EPG5: variants seen among roughly 807,000 people sequenced by gnomAD.
EPG5 encodes the protein ectopic P-granules 5 autophagy tethering factor, also known as ectopic P granules protein 5 homolog.
A neutral mutation model predicts 302.7 loss-of-function variants in EPG5; 159 were observed. The observed-to-expected ratio is 0.53, with a 90% CI of 0.46 to 0.60. EPG5 has a LOEUF of 0.60. Ranked by LOEUF, EPG5 falls within the 20% of genes least tolerant of loss-of-function variation. The pLI, the probability that EPG5 is intolerant of heterozygous loss-of-function variation, is 0.00. For missense variants in EPG5, 2,896 were observed against 3,092.4 expected, an observed-to-expected ratio of 0.94 and a Z score of 1.51; for synonymous variants, 1,158 against 1,136.8, an observed-to-expected ratio of 1.02 and a Z score of -0.37.
intron 13 of EPG5, among the ~76,000 whole-genome samples, chr18:45,928,500 T>C (rs1391653710): frequency 6.6e-6 from 1 of 152,244 alleles, no homozygotes; most frequent in African/African-American, 2.4e-5. Context: ...TGGCTGACTT[T>C]AAATAGGACC....
At chr18:45,910,444 T>C (rs2049864902) in intron 23 of EPG5, 77 bp downstream of exon 23, 1 of 1,105,804 alleles carries the variant, frequency 9.0e-7, no homozygotes. Context: ...ATCTAGCAGT[T>C]TGTAACACAG....
rs746317512 is a variant in EPG5 at position 45,852,431 on chromosome 18, A to C, written c.*36T>G. ...CAACAGCAAAGTTAAATGTAAACAT[A>C]AACAGCAATGGGTTTTTCAAGAGCC... On this transcript the variant is annotated 3_prime_UTR_variant, in exon 44 of 44. Coordinates refer to ENST00000282041, the MANE Select transcript of EPG5 (RefSeq NM_020964.3). 9 of 1,580,032 alleles carry C rather than the reference A, an allele frequency of 5.7e-6. No homozygotes were observed. The highest frequency in any genetic ancestry group is 7.7e-6 in the Non-Finnish European group (9 of 1,161,682).
chr18:45,866,716 G>A lies in EPG5; in HGVS notation c.6621+82C>T, dbSNP rs1456084359. 3.7e-6 allele frequency: 4 copies of A among 1,080,226 alleles called. No individual in the cohort carries two copies. The African/African-American group carries it at 6.2e-5, about 17-fold the overall frequency. 66.9% of individuals were successfully genotyped at this position (1,080,226 alleles called of 1,614,324 possible). A position where few individuals can be genotyped will look rare whatever the true frequency, so the allele number is the denominator to read the frequency against. On this transcript the variant is annotated intron_variant, in intron 38 of 43. Transcript: ENST00000282041. ...GACTTCCTCTGCTGAGCACTTCCTA[G>A]CTTCGACTGTCCTTTGTAGCACTTA...
intron 26 of EPG5, among the ~76,000 whole-genome samples, chr18:45,900,198 C>T (rs868311613): frequency 6.6e-6 from 1 of 151,982 alleles, no homozygotes; most frequent in Non-Finnish European, 1.5e-5. Flanking sequence ...GTCAGGAGAT[C>T]GAAACCATCC....
chr18:45,804,752 A>G, the EPG5 span, among the ~76,000 whole-genome samples: 1 of 152,244 alleles, frequency 6.6e-6, no homozygotes, highest in Non-Finnish European at 1.5e-5. Context: ...CTGAAGATAA[A>G]TGATATCAAA....
intron 23 of EPG5, among the ~76,000 whole-genome samples, chr18:45,909,240 C>T (rs1440994483): frequency 6.6e-6 from 1 of 152,108 alleles, no homozygotes; most frequent in East Asian, 1.9e-4. Context: ...GCTTCTGGCT[C>T]AGTGAAATAG....
At position 45,889,808 on chromosome 18, in the gene EPG5, T is replaced by C; in HGVS notation, c.4942A>G (p.Asn1648Asp). ...GCCTGCAAAACTTACGTGATCAAGT[T>C]TTCTGCATGTACAGCAGCTTCCACA... is the stretch of plus-strand genomic sequence containing the variant. ...NIVEAAVHAENLITALVNAYK... is the reference protein window; with the variant it reads ...NIVEAAVHAEDLITALVNAYK... The change falls in exon 28 of 44, where the codon AAC (asparagine) becomes GAC (aspartate). Residue 1648 changes from asparagine to aspartate, a missense_variant. Coordinates refer to ENST00000282041, the MANE Select transcript of EPG5 (RefSeq NM_020964.3). 3 of 1,599,996 alleles carry C rather than the reference T, an allele frequency of 1.9e-6. No individual in the cohort carries two copies. The highest frequency in any genetic ancestry group is 2.6e-6 in the Non-Finnish European group (3 of 1,174,044).
intron 14 of EPG5, 45 bp downstream of exon 14, chr18:45,925,693 T>C: frequency 7.3e-7 from 1 of 1,372,154 alleles, no homozygotes; most frequent in Non-Finnish European, 9.6e-7. Context: ...TTGAAACAGA[T>C]GCATGTACAA....
chr18:45,828,124 A>G, the EPG5 span, among the ~76,000 whole-genome samples: 1 of 152,316 alleles, frequency 6.6e-6, no homozygotes, highest in Admixed American at 6.5e-5. Flanking sequence ...CGGCCTGGGC[A>G]GGAGGCCCGA....
chr18:45,888,339 T>C (rs1212428848), intron 28 of EPG5, among the ~76,000 whole-genome samples: 1 of 152,090 alleles, frequency 6.6e-6, no homozygotes, highest in Non-Finnish European at 1.5e-5. Flanking sequence ...AGTCTCACTC[T>C]GTCACCCAGG....
At chr18:45,852,769 T>A (rs2048441462) in intron 43 of EPG5, 120 bp from the exon 44 acceptor site, 2 of 893,202 alleles carry the variant, frequency 2.2e-6, no homozygotes, top group Non-Finnish European at 3.5e-6. Flanking sequence ...GAAGGAGGCC[T>A]ACAGAACTGA....
At chr18:45,918,400 A>G (rs2145728844) in intron 16 of EPG5, among the ~76,000 whole-genome samples, 1 of 152,354 alleles carries the variant, frequency 6.6e-6, no homozygotes, top group African/African-American at 2.4e-5. Flanking sequence ...CAATGTCAGA[A>G]CTCAAAGTTT....
intron 39 of EPG5, among the ~76,000 whole-genome samples, chr18:45,862,603 CT>C (rs1418636720): frequency 6.8e-3 from 1 of 148 alleles, no homozygotes; most frequent in Non-Finnish European, 0.015. Flanking sequence ...TGTGCAACAT[CT>C]CCCCCCTTGC....
chr18:45,869,079 T>C (rs1313736535), intron 36 of EPG5, among the ~76,000 whole-genome samples: 1 of 150,282 alleles, frequency 6.7e-6, no homozygotes, highest in Non-Finnish European at 1.5e-5. Context: ...AATTAGAGAA[T>C]GAGGAACAGA....
intron 29 of EPG5, among the ~76,000 whole-genome samples, chr18:45,887,138 T>C (rs1003103739): frequency 2.0e-5 from 3 of 152,254 alleles, no homozygotes; most frequent in African/African-American, 7.2e-5. Flanking sequence ...TTCCTTTCTT[T>C]TATGAAACAT....
At position 45,880,163 on chromosome 18, in the gene EPG5, C is replaced by A. The variant is rs1184651935; in HGVS notation, c.5579G>T (p.Cys1860Phe). 1 of 1,611,524 alleles carries A rather than the reference C, an allele frequency of 6.2e-7. No homozygotes were observed. Among genetic ancestry groups the A allele is most frequent in the Non-Finnish European group, 8.5e-7 (1 of 1,178,720 alleles). ...CWKATLRALG[C>F]CAPSCQQGAA... ...CCCCTGCTGGCAGCTGGGGGCGCAG[C>A]AGCCCAGGGCTCTCAGAGTGGCCTT... is the stretch of plus-strand genomic sequence containing the variant. Residue 1860 changes from cysteine (C) to phenylalanine (F), a missense_variant, in exon 32 of 44, where the codon TGC (cysteine) becomes TTC (phenylalanine). This residue lies in a region of EPG5 where 790 missense variants were observed against 798.0 expected (regional missense o/e 0.99). Coordinates refer to ENST00000282041, the MANE Select transcript of EPG5 (RefSeq NM_020964.3).
chr18:45,922,715 C>G (rs554152065), intron 15 of EPG5, 115 bp from the exon 16 acceptor site: 845 of 1,255,852 alleles, frequency 6.7e-4, no homozygotes, highest in Non-Finnish European at 8.2e-4. Context: ...GAATATTCTA[C>G]TTGCTGGTCT....
chr18:45,845,833 C>A (rs1315906210), downstream of EPG5, among the ~76,000 whole-genome samples: 2 of 152,188 alleles, frequency 1.3e-5, no homozygotes, highest in Non-Finnish European at 2.9e-5. Context: ...CGGCAACTAC[C>A]TGGGTGATCT....
chr18:45,963,807 T>C (rs1169087875), intron 1 of EPG5, among the ~76,000 whole-genome samples: 1 of 152,178 alleles, frequency 6.6e-6, no homozygotes, highest in Non-Finnish European at 1.5e-5. Flanking sequence ...ATCAGTTTTG[T>C]TTTGAAAAAT....
Sources: gnomAD v4.1 joint callset for allele counts (sites outside exome capture counted in the v4.1 genomes callset) on GRCh38, gnomAD v4.1.1 for gene constraint, gnomAD v4.1.1 regional missense constraint, MANE v1.5 for transcripts, NCBI Gene and HGNC (gene_info 2026-07-23, HGNC 2026-07-21) for gene names.